The following GID4 variants were observed in gnomAD, a reference collection of about 807,000 sequenced individuals.
The protein encoded by GID4 is GID complex subunit 4 homolog.
Under a neutral mutation model 32.4 loss-of-function variants are expected in GID4, and 7 were observed. The ratio of observed to expected loss-of-function variants is 0.22; its 90% confidence interval spans 0.12 to 0.41. GID4 has a LOEUF of 0.41. GID4 is among the 10% of genes least tolerant of loss of function. The pLI, the probability that GID4 is intolerant of heterozygous loss-of-function variation, is 1.00. For missense variants in GID4, 309 were observed against 400.0 expected (o/e 0.77, Z 1.94); for synonymous variants, 166 against 170.0 (o/e 0.98, Z 0.18).
chr17:18,049,666 T>G (rs2044891172), intron 2 of GID4, among the ~76,000 whole-genome samples: 1 of 151,920 alleles, frequency 6.6e-6, no homozygotes, highest in Non-Finnish European at 1.5e-5. Flanking sequence ...TGAGATGAAG[T>G]CTCGCTCTGT....
chr17:18,046,767 T>C (rs1268833374), intron 2 of GID4, among the ~76,000 whole-genome samples: 1 of 151,580 alleles, frequency 6.6e-6, no homozygotes, highest in Non-Finnish European at 1.5e-5. Flanking sequence ...ACTAAAAATA[T>C]AAAAATTAGC....
chr17:18,058,801 A>G, intron 3 of GID4, 67 bp from the exon 4 acceptor site: 1 of 1,018,376 alleles, frequency 9.8e-7, no homozygotes, highest in Non-Finnish European at 1.6e-6. Context: ...CTGGGCACAT[A>G]AGCATAGTTC....
At chr17:18,055,135 C>T (rs946917581) in intron 3 of GID4, among the ~76,000 whole-genome samples, 2 of 149,188 alleles carry the variant, frequency 1.3e-5, no homozygotes, top group African/African-American at 5.0e-5. Context: ...TGTGCCACTG[C>T]GCTCCAGCCT....
At chr17:18,053,534 A>G (rs995968701) in intron 2 of GID4, among the ~76,000 whole-genome samples, 1 of 151,876 alleles carries the variant, frequency 6.6e-6, no homozygotes, top group Non-Finnish European at 1.5e-5. Flanking sequence ...AATCACATAA[A>G]CCCAGGGTGT....
In GID4 at chr17:18,067,031, A is replaced by G. The variant is rs937644456; in HGVS notation, c.*1788A>G. On this transcript the variant is annotated 3_prime_UTR_variant, in exon 6 of 6. Transcript: ENST00000268719. ...AACAGTCTCCTCAATCCTGAAATTCAACAAGGCATCAGAAGGGCTGGCTGT... is the reference window on the plus strand; with the variant it reads ...AACAGTCTCCTCAATCCTGAAATTCGACAAGGCATCAGAAGGGCTGGCTGT... 3 of 152,222 alleles carry G rather than the reference A, an allele frequency of 2.0e-5. No homozygotes were observed. Among genetic ancestry groups the G allele is most frequent in the African/African-American group, 7.2e-5 (3 of 41,468 alleles). The allele number at this position is 152,222 out of a possible 1,614,324, so 9.4% of individuals were successfully genotyped here.
Position 18,046,622 on chromosome 17 carries a change from A to T in GID4, c.498+1416A>T, listed in dbSNP as rs535646555. 1.4e-4 allele frequency among the ~76,000 whole-genome samples: 19 copies of T among 137,814 alleles called. No individual in the cohort carries two copies. The East Asian group carries it at 3.5e-3, about 25-fold the overall frequency. The allele number at this position is 137,814 out of a possible 152,430, so 90.4% of individuals were successfully genotyped here. On this transcript the variant is annotated intron_variant, in intron 2 of 5. Coordinates refer to ENST00000268719, the MANE Select transcript of GID4 (RefSeq NM_024052.5). ...CAACCTAGGAAGATCCTCTCTCTTTAAAAAAAAAAAAAATTGGGGTCGGGC... is the reference window on the plus strand; with the variant it reads ...CAACCTAGGAAGATCCTCTCTCTTTTAAAAAAAAAAAAATTGGGGTCGGGC...
At chr17:18,041,195 G>A (rs1003082424) in intron 1 of GID4, among the ~76,000 whole-genome samples, 2 of 151,714 alleles carry the variant, frequency 1.3e-5, no homozygotes, top group Non-Finnish European at 2.9e-5. Context: ...CTGCCCCACT[G>A]CCTCCCCCCC....
chr17:18,039,621 G>A lies in GID4; in HGVS notation c.157G>A (p.Gly53Ser). ...CCCCCACCCCGCGCGTGCGCGCCCC[G>A]GCCTCTCCCTCCCCGCCACCCTCCT... ...SRPHPARARPGLSLPATLLGS... is the reference protein window; with the variant it reads ...SRPHPARARPSLSLPATLLGS... The change falls in exon 1 of 6, where the codon GGC becomes AGC. Residue 53 changes from glycine to serine, a missense_variant. Physicochemically the swap from Gly to Ser is moderately conservative, Grantham distance 56. Transcript: ENST00000268719. The surrounding 1 kb of genome is among the most constrained non-coding windows in gnomAD (Gnocchi z 5.3). 9 of 634,940 alleles carry A rather than the reference G, an allele frequency of 1.4e-5. No homozygotes were observed. Among genetic ancestry groups the A allele is most frequent in the Non-Finnish European group, 1.7e-5 (9 of 536,674 alleles). 39.3% of individuals were successfully genotyped at this position (634,940 alleles called of 1,614,324 possible).
At chr17:18,042,012 C>T (rs1056175769) in intron 1 of GID4, among the ~76,000 whole-genome samples, 1 of 152,220 alleles carries the variant, frequency 6.6e-6, no homozygotes, top group African/African-American at 2.4e-5. Context: ...GCTTGGTCAT[C>T]ATCACGACTA....
intron 5 of GID4, among the ~76,000 whole-genome samples, chr17:18,063,238 C>T (rs762049423): frequency 4.6e-5 from 7 of 151,998 alleles, no homozygotes; most frequent in Admixed American, 1.3e-4. Context: ...GGTGAAACCC[C>T]GTCTCTATTA....
intron 3 of GID4, among the ~76,000 whole-genome samples, chr17:18,054,889 C>T (rs959434922): frequency 6.6e-5 from 10 of 152,116 alleles, no homozygotes; most frequent in African/African-American, 1.2e-4. Context: ...ATCAGTGTCT[C>T]GGCTGGGCGC....
intron 3 of GID4, among the ~76,000 whole-genome samples, chr17:18,054,493 C>T (rs1382600687): frequency 3.9e-5 from 6 of 152,192 alleles, no homozygotes; most frequent in Non-Finnish European, 8.8e-5. Context: ...GCTCAGCTAT[C>T]AGAATCTTAA....
In GID4 at chr17:18,061,458, T is replaced by C. The variant is rs958033378; in HGVS notation, c.709-387T>C. On this transcript the variant is annotated intron_variant, in intron 4 of 5. Coordinates refer to ENST00000268719, the MANE Select transcript of GID4 (RefSeq NM_024052.5). This position sits in a 1 kb window ranked among gnomAD's most constrained non-coding sequence, Gnocchi z 4.4. ...GTTATCAAGCATCTGTTGACAGTTC[T>C]GAGAACTGGAGCAGAAACTTCGCTC... Among the ~76,000 whole-genome samples the C allele has an allele frequency of 2.0e-5, 3 of 152,196 alleles. No homozygotes were observed. The highest frequency in any genetic ancestry group is 1.5e-5 in the Non-Finnish European group (1 of 68,012).
intron 3 of GID4, chr17:18,056,868 T>C (rs1415285461): frequency 6.4e-7 from 1 of 1,550,506 alleles, no homozygotes; most frequent in African/African-American, 1.4e-5. Context: ...TGTGGCTGCT[T>C]TTGTAGTACT....
chr17:18,040,198 C>T (rs1033658634), intron 1 of GID4, among the ~76,000 whole-genome samples: 5 of 152,158 alleles, frequency 3.3e-5, no homozygotes, highest in Admixed American at 3.3e-4. Context: ...CCTCATGACT[C>T]GGAGAAGGCC....
At position 18,039,453 on chromosome 17, in the gene GID4, C is replaced by CTG. The variant is rs759157782; in HGVS notation, c.-2_-1dup. 79 of 1,380,328 alleles carry CTG rather than the reference C, an allele frequency of 5.7e-5. 1 individual carries two copies. In the South Asian group the frequency reaches 1.3e-3, roughly 22 times the overall value. The allele number at this position is 1,380,328 out of a possible 1,614,324, so 85.5% of individuals were successfully genotyped here. ...TTGTGTGTTGTGTGTCTGTGAGTGTCTGTGTGTGTGTATGTGTGCGCGAGG... is the reference window on the plus strand; with the variant it reads ...TTGTGTGTTGTGTGTCTGTGAGTGTCTGTGTGTGTGTGTATGTGTGCGCGAGG... On this transcript the variant is annotated 5_prime_UTR_variant, in exon 1 of 6. Transcript: ENST00000268719. The surrounding 1 kb of genome is among the most constrained non-coding windows in gnomAD (Gnocchi z 5.3).
At chr17:18,041,483 G>C (rs911327621) in intron 1 of GID4, among the ~76,000 whole-genome samples, 2 of 152,174 alleles carry the variant, frequency 1.3e-5, no homozygotes, top group Admixed American at 1.3e-4. Flanking sequence ...CATGAGCCAC[G>C]ATAGTTATTA....
At chr17:18,060,947 C>T (rs972740291) in intron 4 of GID4, among the ~76,000 whole-genome samples, 3 of 152,156 alleles carry the variant, frequency 2.0e-5, no homozygotes, top group African/African-American at 7.2e-5. Context: ...ATTGGCCAGG[C>T]TGGTCTCAAA....
intron 5 of GID4, among the ~76,000 whole-genome samples, chr17:18,063,768 G>A (rs1276113282): frequency 1.3e-5 from 2 of 151,860 alleles, no homozygotes; most frequent in Admixed American, 1.3e-4. Context: ...TTGAAACAAA[G>A]TCTCGCTCTT....
Sources: allele counts gnomAD v4.1 joint callset (sites outside exome capture counted in the v4.1 genomes callset), GRCh38; gene constraint gnomAD v4.1.1; non-coding constraint Gnocchi (gnomAD v3.1); transcripts MANE v1.5; gene names NCBI Gene and HGNC (gene_info 2026-07-23, HGNC 2026-07-21).